The following RORA variants were observed in gnomAD, a reference collection of about 807,000 sequenced individuals.
RORA encodes the protein RAR related orphan receptor A, also known as nuclear receptor ROR-alpha.
RORA carries 7 observed loss-of-function variants against 69.5 expected under a neutral mutation model. The observed-to-expected ratio is 0.10, with a 90% CI of 0.06 to 0.19. RORA has a LOEUF of 0.19. Among genes scored for constraint, RORA ranks in the 10% least tolerant of loss-of-function variants. The probability of loss-of-function intolerance (pLI) is 1.00; values close to 1 mark genes in which losing one functional copy is unlikely to be tolerated. For missense variants in RORA, 457 were observed against 663.0 expected, an observed-to-expected ratio of 0.69 and a Z score of 3.41; for synonymous variants, 261 against 240.8, an observed-to-expected ratio of 1.08 and a Z score of -0.78.
intron 1 of RORA, among the ~76,000 whole-genome samples, chr15:60,693,711 A>C (rs769310737): frequency 4.6e-5 from 7 of 152,314 alleles, no homozygotes; most frequent in Non-Finnish European, 1.0e-4. Context: ...AAAGAGAATA[A>C]AATACCTAGG....
chr15:60,820,070 G>A (rs1298002421), intron 1 of RORA, among the ~76,000 whole-genome samples: 2 of 152,224 alleles, frequency 1.3e-5, no homozygotes, highest in Non-Finnish European at 2.9e-5. Flanking sequence ...GTCCTCCCCT[G>A]GGCCACAGAA....
At chr15:61,179,171 G>C (rs1442115052) in intron 1 of RORA, among the ~76,000 whole-genome samples, 1 of 152,238 alleles carries the variant, frequency 6.6e-6, no homozygotes, top group East Asian at 1.9e-4. Flanking sequence ...GAAGCAGCAT[G>C]ATTTAGCACA....
intron 1 of RORA, among the ~76,000 whole-genome samples, chr15:60,751,970 A>AGAT (rs1291691806): frequency 2.0e-5 from 3 of 152,100 alleles, no homozygotes; most frequent in African/African-American, 7.2e-5. Flanking sequence ...ATGTGTGAGG[A>AGAT]GATAGGGAAG....
At chr15:60,720,578 C>T (rs1303575953) in intron 1 of RORA, among the ~76,000 whole-genome samples, 1 of 152,104 alleles carries the variant, frequency 6.6e-6, no homozygotes, top group Non-Finnish European at 1.5e-5. Flanking sequence ...TTGTGGTATT[C>T]TGGGTGCTGA....
chr15:60,906,768 A>C (rs1241884490), intron 1 of RORA, among the ~76,000 whole-genome samples: 2 of 152,164 alleles, frequency 1.3e-5, no homozygotes, highest in Admixed American at 1.3e-4. Flanking sequence ...AATAATAACT[A>C]AGATTTTTAT....
intron 1 of RORA, among the ~76,000 whole-genome samples, chr15:60,955,148 G>T (rs752697444): frequency 6.6e-6 from 1 of 151,982 alleles, no homozygotes; most frequent in Non-Finnish European, 1.5e-5. Flanking sequence ...CTAAAAATAC[G>T]AAAATTAGCT....
chr15:61,195,593 A>C (rs2079839482), intron 1 of RORA, among the ~76,000 whole-genome samples: 1 of 151,952 alleles, frequency 6.6e-6, no homozygotes. Context: ...CCTACTATTG[A>C]CCCCATTGAT....
At chr15:60,620,845 C>T (rs377057585) in intron 2 of RORA, among the ~76,000 whole-genome samples, 9 of 152,316 alleles carry the variant, frequency 5.9e-5, no homozygotes, top group African/African-American at 1.4e-4. Flanking sequence ...GGGGACAGCC[C>T]GGAGCTCCGC....
intron 1 of RORA, among the ~76,000 whole-genome samples, chr15:60,894,607 G>A (rs1030390040): frequency 1.3e-5 from 2 of 152,306 alleles, no homozygotes; most frequent in African/African-American, 4.8e-5. Context: ...CCGCTCAAAC[G>A]CTAGTGTGCA....
chr15:60,967,886 T>C (rs1056253895), intron 1 of RORA, among the ~76,000 whole-genome samples: 1 of 152,164 alleles, frequency 6.6e-6, no homozygotes, highest in Non-Finnish European at 1.5e-5. Context: ...CTTCTGAATG[T>C]GGTTACAAAT....
intron 1 of RORA, among the ~76,000 whole-genome samples, chr15:60,968,944 G>T (rs138941863): frequency 3.9e-5 from 6 of 152,098 alleles, no homozygotes; most frequent in African/African-American, 1.4e-4. Flanking sequence ...AGTTTATCAG[G>T]CCTCCCTTGA....
chr15:60,793,609 G>A (rs550428355), intron 1 of RORA, among the ~76,000 whole-genome samples: 10 of 152,320 alleles, frequency 6.6e-5, no homozygotes, highest in East Asian at 5.8e-4. Flanking sequence ...AGTCAAGTGC[G>A]AAAGTTCACT....
chr15:60,688,984 T>C (rs1006144084), intron 1 of RORA, among the ~76,000 whole-genome samples: 2 of 152,154 alleles, frequency 1.3e-5, no homozygotes, highest in African/African-American at 4.8e-5. Flanking sequence ...GAGTGAGCCC[T>C]TTCATCAGGA....
At chr15:60,696,935 A>C (rs1020932296) in intron 1 of RORA, among the ~76,000 whole-genome samples, 1 of 152,172 alleles carries the variant, frequency 6.6e-6, no homozygotes, top group Non-Finnish European at 1.5e-5. Context: ...TCTTCTGATC[A>C]TTTTTCAAAT....
intron 2 of RORA, among the ~76,000 whole-genome samples, chr15:60,552,928 TAGAC>T (rs943395242): frequency 1.3e-5 from 2 of 152,164 alleles, no homozygotes; most frequent in Non-Finnish European, 2.9e-5. Flanking sequence ...GCTTTACAGA[TAGAC>T]AGCCTTGGAC....
At position 61,229,169 on chromosome 15, in the gene RORA, C is replaced by T. The variant is rs1356536955; in HGVS notation, c.50G>A (p.Ser17Asn). The change falls in exon 1 of 11, where the codon AGC (serine) becomes AAC (asparagine). Residue 17 changes from serine to asparagine, a missense_variant. Physicochemically the swap from Ser to Asn is conservative, Grantham distance 46. Around this residue, in one of 3 missense-constraint regions of RORA, gnomAD observed 119 missense variants for 92.4 expected, o/e 1.29. Coordinates refer to ENST00000335670, the MANE Select transcript of RORA (RefSeq NM_134261.3). ...GCCGGCGGCCGCGTCCGCGCCGCTG[C>T]TGCCTGGCTCGCTGGCGGCGGGGTC... The part of the protein sequence containing the change: ...APDPAASEPG[S>N]SGADAAAGSR... The T allele has an allele frequency of 2.6e-6, 4 of 1,552,602 alleles. No homozygotes were observed. Among genetic ancestry groups the T allele is most frequent in the East Asian group, 2.4e-5 (1 of 41,594 alleles).
intron 1 of RORA, among the ~76,000 whole-genome samples, chr15:60,921,918 G>C (rs1347845155): frequency 6.6e-6 from 1 of 151,996 alleles, no homozygotes; most frequent in African/African-American, 2.4e-5. Context: ...AAATGTGATG[G>C]ACAATATTGA....
At chr15:61,005,968 TG>T (rs1894899195) in intron 1 of RORA, among the ~76,000 whole-genome samples, 1 of 151,880 alleles carries the variant, frequency 6.6e-6, no homozygotes, top group South Asian at 2.1e-4. Context: ...TGTTTTGTTT[TG>T]TTTTGTTTTG....
intron 7 of RORA, among the ~76,000 whole-genome samples, chr15:60,503,291 A>G (rs2141275003): frequency 6.6e-6 from 1 of 152,276 alleles, no homozygotes; most frequent in African/African-American, 2.4e-5. Flanking sequence ...CGTGATGGGA[A>G]AATTTGGGAA....
Sources: allele counts gnomAD v4.1 joint callset (sites outside exome capture counted in the v4.1 genomes callset), GRCh38; gene constraint gnomAD v4.1.1; regional missense constraint gnomAD v4.1.1; transcripts MANE v1.5; gene names NCBI Gene and HGNC (gene_info 2026-07-23, HGNC 2026-07-21).